The following CCDC63 variants were observed in gnomAD, a reference collection of about 807,000 sequenced individuals.
CCDC63 encodes the protein coiled-coil domain containing 63, also known as coiled-coil domain-containing protein 63.
A neutral mutation model predicts 63.6 loss-of-function variants in CCDC63; 54 were observed. The ratio of observed to expected loss-of-function variants is 0.85; its 90% CI spans 0.68 to 1.07. The LOEUF is 1.07. CCDC63 is among the 50% of genes least tolerant of loss of function. CCDC63 has a pLI of 0.00. For synonymous variants in CCDC63, 253 were observed against 266.1 expected (o/e 0.95, Z 0.48); for missense variants, 637 against 689.6 (o/e 0.92, Z 0.86).
intron 4 of CCDC63, among the ~76,000 whole-genome samples, chr12:110,866,010 C>G (rs1398141174): frequency 6.6e-6 from 1 of 152,156 alleles, no homozygotes; most frequent in African/African-American, 2.4e-5. Flanking sequence ...CAGAGTCTCC[C>G]TCTGTCACCC....
intron 4 of CCDC63, among the ~76,000 whole-genome samples, chr12:110,866,392 C>A (rs1163218581): frequency 1.4e-5 from 2 of 147,830 alleles, no homozygotes; most frequent in Non-Finnish European, 3.0e-5. Flanking sequence ...GTCATGGGAC[C>A]ATAGTGGAGG....
At chr12:110,901,739 T>C (rs546191780) in intron 10 of CCDC63, among the ~76,000 whole-genome samples, 9 of 152,318 alleles carry the variant, frequency 5.9e-5, no homozygotes, top group Middle Eastern at 6.8e-3. Flanking sequence ...GTTCCATCCA[T>C]GTTGTTGCAA....
rs201454069 is a variant in CCDC63 at position 110,853,406 on chromosome 12, T to A, written c.11T>A (p.Leu4Ter). MSV[L>*]KKNRRKDSDT... is the part of the protein sequence containing the mutation. Reference sequence around the variant, plus strand: ...CCCACTCCTCTCCATCTCCCCCAGTTGAAGAAGAACAGGAGAAAAGACTCC... The same window carrying A: ...CCCACTCCTCTCCATCTCCCCCAGTAGAAGAAGAACAGGAGAAAAGACTCC... Residue 4 changes from leucine (L) to a stop codon, truncating the protein, a stop_gained and splice_region_variant, in exon 3 of 12, where the codon TTG (leucine) becomes TAG (stop). Transcript: ENST00000308208. LOFTEE classifies it high-confidence loss of function. 3 of 1,607,422 alleles carry A rather than the reference T, an allele frequency of 1.9e-6. No individual in the cohort carries two copies. In the East Asian group the frequency reaches 6.7e-5, roughly 36 times the overall value.
In CCDC63 at chr12:110,880,046, G is replaced by C. The variant is rs759948775; in HGVS notation, c.630G>C (p.Met210Ile). The C allele has an allele frequency of 1.2e-6, 2 of 1,614,116 alleles. No individual in the cohort carries two copies. The highest frequency in any genetic ancestry group is 2.2e-5 in the South Asian group (2 of 91,078). ...GCCTGTTGATGGAGAAGAAAACCAT[G>C]AACTTGGCCATTGAGCAATCTTCTC... is the stretch of plus-strand genomic sequence containing the variant. ...QHCLLMEKKTMNLAIEQSSQA... is the reference protein window; with the variant it reads ...QHCLLMEKKTINLAIEQSSQA... The change falls in exon 6 of 12, where the codon ATG becomes ATC. Residue 210 changes from methionine to isoleucine, a missense_variant. Physicochemically the swap from Met to Ile is conservative, Grantham distance 10 (BLOSUM62 1). Coordinates refer to ENST00000308208, the MANE Select transcript of CCDC63 (RefSeq NM_152591.3).
rs2071561620 is a variant in CCDC63 at position 110,905,925 on chromosome 12, TATATATTATATAAA to T, written c.1546+1141_1546+1154del. ...ATAATATATATTATATTATATATAA[TATATATTATATAAA>T]ATATATATTATATTATTATAATATA... On this transcript the variant is annotated intron_variant, in intron 11 of 11. Transcript: ENST00000308208. Among the ~76,000 whole-genome samples, 3 of 56,734 alleles carry T rather than the reference TATATATTATATAAA, an allele frequency of 5.3e-5. 1 individual carries two copies. Among genetic ancestry groups the T allele is most frequent in the African/African-American group, 2.2e-4 (3 of 13,538 alleles). 37.2% of individuals were successfully genotyped at this position (56,734 alleles called of 152,430 possible).
chr12:110,857,990 C>T (rs1463719789), intron 3 of CCDC63, among the ~76,000 whole-genome samples: 2 of 152,122 alleles, frequency 1.3e-5, no homozygotes, highest in East Asian at 3.9e-4. Flanking sequence ...GCTGTAGTCC[C>T]AGCTACTCAG....
At position 110,889,968 on chromosome 12, in the gene CCDC63, T is replaced by A. The variant is rs2071335449; in HGVS notation, c.1075-3108T>A. 6.6e-6 allele frequency among the ~76,000 whole-genome samples: 1 copy of A among 152,120 alleles called. No individual in the cohort carries two copies. The highest frequency in any genetic ancestry group is 1.5e-5 in the Non-Finnish European group (1 of 68,024). On this transcript the variant is annotated intron_variant, in intron 8 of 11. Transcript: ENST00000308208. The surrounding 1 kb of genome is among the most constrained non-coding windows in gnomAD (Gnocchi z 4.1). Reference sequence around the variant, plus strand: ...ATACAACCTCCAAATCAGGAATAATTCCATCACACGGACATAGCATTGTTT... The same window carrying A: ...ATACAACCTCCAAATCAGGAATAATACCATCACACGGACATAGCATTGTTT...
intron 5 of CCDC63, among the ~76,000 whole-genome samples, chr12:110,875,932 A>C (rs1202317455): frequency 1.3e-5 from 2 of 152,020 alleles, no homozygotes; most frequent in Non-Finnish European, 2.9e-5. Context: ...CCTCTACTAA[A>C]AATACAAAAA....
chr12:110,866,943 G>A (rs1225329653), intron 4 of CCDC63, among the ~76,000 whole-genome samples: 1 of 145,656 alleles, frequency 6.9e-6, no homozygotes, highest in Non-Finnish European at 1.5e-5. Flanking sequence ...TGGCCGGGCG[G>A]GGGGCTGACC....
intron 1 of CCDC63, among the ~76,000 whole-genome samples, chr12:110,848,764 G>A (rs1350248611): frequency 1.3e-5 from 2 of 152,150 alleles, no homozygotes; most frequent in Admixed American, 6.6e-5. Flanking sequence ...GCTCAGAGAG[G>A]TCAAATCACA....
At chr12:110,901,456 G>A (rs2071486353) in intron 10 of CCDC63, among the ~76,000 whole-genome samples, 2 of 151,784 alleles carry the variant, frequency 1.3e-5, no homozygotes, top group African/African-American at 4.8e-5. Context: ...TCGAACCCCT[G>A]TACTCAAGTC....
At chr12:110,851,495 C>A (rs2070704674) in intron 1 of CCDC63, among the ~76,000 whole-genome samples, 1 of 152,132 alleles carries the variant, frequency 6.6e-6, no homozygotes, top group Admixed American at 6.5e-5. Flanking sequence ...CCCATCCACC[C>A]CCGAAGAAAT....
chr12:110,906,329 AGG>A (rs2071581634), intron 11 of CCDC63, among the ~76,000 whole-genome samples: 7 of 142,878 alleles, frequency 4.9e-5, no homozygotes, highest in African/African-American at 1.8e-4. Context: ...GAGGAGGAGG[AGG>A]AGGAGGAGGA....
intron 4 of CCDC63, among the ~76,000 whole-genome samples, chr12:110,867,617 GC>G (rs2070985098): frequency 8.2e-6 from 1 of 121,818 alleles, no homozygotes. Flanking sequence ...GGCTGGCCGG[GC>G]AGAGGGGCTC....
intron 4 of CCDC63, among the ~76,000 whole-genome samples, chr12:110,861,140 T>C (rs978970541): frequency 1.3e-5 from 2 of 151,944 alleles, no homozygotes; most frequent in African/African-American, 4.8e-5. Flanking sequence ...AGGGGGATGG[T>C]GCCAAACCAT....
intron 9 of CCDC63, among the ~76,000 whole-genome samples, chr12:110,898,570 A>C (rs977329187): frequency 1.3e-5 from 2 of 150,494 alleles, no homozygotes; most frequent in Non-Finnish European, 3.0e-5. Context: ...GTGAGCTGAG[A>C]TCATGCCACT....
At chr12:110,856,258 G>GT (rs1460894554) in intron 3 of CCDC63, among the ~76,000 whole-genome samples, 2 of 151,706 alleles carry the variant, frequency 1.3e-5, no homozygotes, top group Admixed American at 6.6e-5. Flanking sequence ...GCTAATTTTT[G>GT]TATTTTTAGT....
At position 110,853,437 on chromosome 12, in the gene CCDC63, T is replaced by C; in HGVS notation, c.42T>C (p.Thr14=). ...LKKNRRKDSD[T]PQEPSEKAKE... Reference sequence around the variant, plus strand: ...AGAACAGGAGAAAAGACTCCGACACTCCCCAGGAACCTTCGGAGAAGGCCA... The same window carrying C: ...AGAACAGGAGAAAAGACTCCGACACCCCCCAGGAACCTTCGGAGAAGGCCA... The change falls in exon 3 of 12, where the codon ACT becomes ACC. Residue 14 remains threonine, a synonymous_variant. Transcript: ENST00000308208. 3 of 1,612,490 alleles carry C rather than the reference T, an allele frequency of 1.9e-6. No homozygotes were observed. The highest frequency in any genetic ancestry group is 2.5e-6 in the Non-Finnish European group (3 of 1,179,690).
intron 10 of CCDC63, 94 bp from the exon 11 acceptor site, chr12:110,904,494 C>T (rs2071531986): frequency 2.8e-6 from 3 of 1,062,030 alleles, no homozygotes; most frequent in African/African-American, 3.1e-5. Flanking sequence ...GTACTTCCTG[C>T]TCCTCCCCGC....
Sources: allele counts gnomAD v4.1 joint callset (sites outside exome capture counted in the v4.1 genomes callset), GRCh38; gene constraint gnomAD v4.1.1; non-coding constraint Gnocchi (gnomAD v3.1); transcripts MANE v1.5; gene names NCBI Gene and HGNC (gene_info 2026-07-23, HGNC 2026-07-21).